The following AKAP9 variants were observed in gnomAD, a reference collection of about 807,000 sequenced individuals.
The protein encoded by AKAP9 is A-kinase anchor protein 9.
In AKAP9, 311 loss-of-function variants were observed where a neutral mutation model predicts 488.5. The observed-to-expected ratio is 0.64, with a 90% CI of 0.58 to 0.70. AKAP9 has a LOEUF of 0.70. Among genes scored for constraint, AKAP9 ranks in the 30% least tolerant of loss-of-function variants. AKAP9 has a pLI of 0.00. For missense variants in AKAP9, 4,215 were observed against 4,374.5 expected (o/e 0.96, Z 1.03); for synonymous variants, 1,462 against 1,483.5 (o/e 0.99, Z 0.33).
At position 91,980,269 on chromosome 7, in the gene AKAP9, G is replaced by T; in HGVS notation, c.307-20G>T. On this transcript the variant is annotated intron_variant, in intron 2 of 49. Transcript: ENST00000356239. ...GCACAAAAAAGTCATAATTATATTT[G>T]GTTTTTATTTTTGTTTTAGCTGGAA... 1.3e-6 allele frequency: 2 copies of T among 1,521,642 alleles called. No individual in the cohort carries two copies. The highest frequency in any genetic ancestry group is 1.8e-6 in the Non-Finnish European group (2 of 1,103,234). The allele number at this position is 1,521,642 out of a possible 1,614,324, so 94.3% of individuals were successfully genotyped here. A position where few individuals can be genotyped will look rare whatever the true frequency, so the allele number is the denominator to read the frequency against.
intron 42 of AKAP9, 145 bp from the exon 43 acceptor site, chr7:92,097,964 C>A: frequency 1.2e-6 from 1 of 859,474 alleles, no homozygotes; most frequent in South Asian, 1.5e-5. Flanking sequence ...AAACAACTAT[C>A]TAACACTTTG....
Position 92,110,203 on chromosome 7 carries a change from CT to C in AKAP9, c.*48del, listed in dbSNP as rs766276182. The C allele has an allele frequency of 1.4e-6, 2 of 1,474,852 alleles. No individual in the cohort carries two copies. Among genetic ancestry groups the C allele is most frequent in the Admixed American group, 3.5e-5 (2 of 56,380 alleles). 91.4% of individuals were successfully genotyped at this position (1,474,852 alleles called of 1,614,324 possible). ...ATTGAAGTGATTTTAAATAGATTTC[CT>C]TTTGTAAATCAATGGTTCTTTTGTG... is the stretch of plus-strand genomic sequence containing the variant. On this transcript the variant is annotated 3_prime_UTR_variant, in exon 50 of 50. Coordinates refer to ENST00000356239, the MANE Select transcript of AKAP9 (RefSeq NM_005751.5).
Position 92,026,950 on chromosome 7 carries a change from T to C in AKAP9, c.4149-2945T>C, listed in dbSNP as rs540727007. On this transcript the variant is annotated intron_variant, in intron 14 of 49. Transcript: ENST00000356239. ...GGAGCGCCTCTGCCCGGCCGCCCTG[T>C]CTGGGATGTGGGGAGCGCCTCTGCC... Among the ~76,000 whole-genome samples, 1,212 of 145,366 alleles carry C rather than the reference T, an allele frequency of 8.3e-3. 7 individuals carry two copies. Among genetic ancestry groups the C allele is most frequent in the South Asian group, 0.017 (76 of 4,476 alleles).
Position 92,029,965 on chromosome 7 carries a change from A to G in AKAP9, c.4219A>G (p.Lys1407Glu). ...AACAATGTACCCTGGAAGTTGTGTG[A>G]AAAAGAATATTGATGGTACAATAGA... ...QRTMYPGSCV[K>E]KNIDGTIEFS... The change falls in exon 15 of 50, where the codon AAA (lysine) becomes GAA (glutamate). Residue 1407 changes from lysine to glutamate, a missense_variant. Lys to Glu is a moderately conservative substitution (Grantham distance 56). Around this residue, in one of 5 missense-constraint regions of AKAP9, gnomAD observed 2,361 missense variants for 2,430.0 expected, o/e 0.97. Coordinates refer to ENST00000356239, the MANE Select transcript of AKAP9 (RefSeq NM_005751.5). The G allele has an allele frequency of 6.2e-7, 1 of 1,611,390 alleles. No individual in the cohort carries two copies. Among genetic ancestry groups the G allele is most frequent in the East Asian group, 2.2e-5 (1 of 44,778 alleles).
At chr7:91,978,304 A>T (rs959020818) in intron 2 of AKAP9, among the ~76,000 whole-genome samples, 1 of 151,604 alleles carries the variant, frequency 6.6e-6, no homozygotes, top group African/African-American at 2.4e-5. Context: ...AGGATTTTAG[A>T]TTACAGGCAA....
intron 1 of AKAP9, among the ~76,000 whole-genome samples, chr7:91,963,521 CACACACAT>C (rs1212170971): frequency 2.0e-5 from 3 of 147,202 alleles, no homozygotes; most frequent in Non-Finnish European, 3.0e-5. Context: ...CACACACACA[CACACACAT>C]ATTTTTGAGA....
intron 10 of AKAP9, 30 bp downstream of exon 10, chr7:92,014,358 A>G (rs766360906): frequency 2.7e-6 from 4 of 1,480,212 alleles, no homozygotes; most frequent in Non-Finnish European, 9.4e-7. Context: ...TTTTATGGCC[A>G]GATGTGGTGG....
chr7:92,029,606 A>AC (rs1404834475), intron 14 of AKAP9, among the ~76,000 whole-genome samples: 1 of 152,124 alleles, frequency 6.6e-6, no homozygotes, highest in East Asian at 1.9e-4. Flanking sequence ...ACGTAGTGAG[A>AC]CCCCATCTTT....
intron 3 of AKAP9, among the ~76,000 whole-genome samples, chr7:91,986,793 A>G (rs192357116): frequency 2.5e-4 from 38 of 152,212 alleles, no homozygotes; most frequent in Non-Finnish European, 4.6e-4. Flanking sequence ...TTTAAGTGTA[A>G]GTACTACCGA....
At chr7:91,965,233 C>T (rs1184472539) in intron 1 of AKAP9, among the ~76,000 whole-genome samples, 2 of 152,286 alleles carry the variant, frequency 1.3e-5, no homozygotes, top group East Asian at 1.9e-4. Flanking sequence ...CACCAATCTA[C>T]TCACTATTTG....
rs1818225331 is a variant in AKAP9 at position 92,104,604 on chromosome 7, A to G, written c.11331-1074A>G. On this transcript the variant is annotated intron_variant, in intron 46 of 49. Transcript: ENST00000356239. Reference sequence around the variant, plus strand: ...TGAGGCAGGGAGCGGTTACAAAGCCAGTAGTGATAGAGCTAGGACAACCAG... The same window carrying G: ...TGAGGCAGGGAGCGGTTACAAAGCCGGTAGTGATAGAGCTAGGACAACCAG... Among the ~76,000 whole-genome samples the G allele has an allele frequency of 2.6e-5, 4 of 152,170 alleles. No individual in the cohort carries two copies. In the South Asian group the frequency reaches 8.3e-4, roughly 32 times the overall value.
intron 13 of AKAP9, 112 bp downstream of exon 13, chr7:92,022,464 G>A: frequency 2.6e-6 from 2 of 761,296 alleles, no homozygotes; most frequent in Non-Finnish European, 4.6e-6. Context: ...TTTCACTGTA[G>A]CCTCTCTGAT....
chr7:92,009,723 A>T (rs559800631), intron 8 of AKAP9, among the ~76,000 whole-genome samples: 1 of 152,222 alleles, frequency 6.6e-6, no homozygotes, highest in South Asian at 2.1e-4. Flanking sequence ...AAAATTATAG[A>T]TGAATCTTAC....
intron 24 of AKAP9, among the ~76,000 whole-genome samples, chr7:92,064,566 T>G (rs913184441): frequency 3.9e-5 from 6 of 152,012 alleles, no homozygotes; most frequent in African/African-American, 7.2e-5. Context: ...ACATGGGAGA[T>G]AAGTGGCTGA....
At chr7:92,109,167 TATC>T (rs1818986099) in intron 49 of AKAP9, 1 of 203,674 alleles carries the variant, frequency 4.9e-6, no homozygotes, top group Non-Finnish European at 1.0e-5. Flanking sequence ...TGCTTTTATG[TATC>T]ATCGAAAAAA....
intron 21 of AKAP9, 85 bp from the exon 22 acceptor site, chr7:92,052,641 C>A (rs1808176968): frequency 3.2e-6 from 3 of 923,670 alleles, no homozygotes; most frequent in East Asian, 2.7e-5. Context: ...TCCATGATTT[C>A]CAGTTTAGTT....
chr7:91,985,117 T>C (rs963712675), intron 3 of AKAP9, among the ~76,000 whole-genome samples: 1 of 152,216 alleles, frequency 6.6e-6, no homozygotes, highest in Non-Finnish European at 1.5e-5. Context: ...CTTTCTCTTG[T>C]CTGATTGCCC....
At chr7:92,039,884 G>A (rs1470437206) in intron 17 of AKAP9, among the ~76,000 whole-genome samples, 1 of 152,120 alleles carries the variant, frequency 6.6e-6, no homozygotes, top group Non-Finnish European at 1.5e-5. Context: ...CTGAGGCAGA[G>A]GAATCACTTG....
At chr7:91,986,112 C>T (rs1031299453) in intron 3 of AKAP9, among the ~76,000 whole-genome samples, 1 of 152,078 alleles carries the variant, frequency 6.6e-6, no homozygotes, top group African/African-American at 2.4e-5. Context: ...TTGGTCTATT[C>T]CGAGATTCTA....
Sources: gnomAD v4.1 joint callset for allele counts (sites outside exome capture counted in the v4.1 genomes callset) on GRCh38, gnomAD v4.1.1 for gene constraint, gnomAD v4.1.1 regional missense constraint, MANE v1.5 for transcripts, NCBI Gene and HGNC (gene_info 2026-07-23, HGNC 2026-07-21) for gene names.